Variants in PDGFD observed in about 807,000 individuals in gnomAD.
PDGFD encodes the protein platelet-derived growth factor D.
Under a neutral mutation model 44.7 loss-of-function variants are expected in PDGFD, and 30 were observed. That is an observed-to-expected ratio of 0.67 (90% CI 0.50 to 0.91). PDGFD has a LOEUF of 0.91. PDGFD is among the 40% of genes least tolerant of loss of function. The probability of loss-of-function intolerance (pLI) is 0.00; values close to 1 mark genes in which losing one functional copy is unlikely to be tolerated. For missense variants in PDGFD, 445 were observed against 457.8 expected, an observed-to-expected ratio of 0.97 and a Z score of 0.25; for synonymous variants, 173 against 168.4, an observed-to-expected ratio of 1.03 and a Z score of -0.21.
intron 1 of PDGFD, among the ~76,000 whole-genome samples, chr11:104,112,913 A>G (rs983585082): frequency 2.0e-5 from 3 of 152,224 alleles, no homozygotes; most frequent in African/African-American, 7.2e-5. Context: ...AAGATCAGGG[A>G]AAATAACCAA....
chr11:104,110,969 A>G (rs1319187376), intron 1 of PDGFD, among the ~76,000 whole-genome samples: 2 of 152,192 alleles, frequency 1.3e-5, no homozygotes, highest in East Asian at 1.9e-4. Flanking sequence ...GTCCTAGTGC[A>G]AACAGTTTCA....
Position 104,068,832 on chromosome 11 carries a change from G to A in PDGFD, c.125-68577C>T, listed in dbSNP as rs145513920. Among the ~76,000 whole-genome samples the A allele has an allele frequency of 2.3e-3, 347 of 151,596 alleles. 5 individuals are homozygous for A. The highest frequency in any genetic ancestry group is 8.0e-3 in the African/African-American group (333 of 41,418). On this transcript the variant is annotated intron_variant, in intron 1 of 6. Transcript: ENST00000393158. ...CTCTCCCTTTCTCACATATGCCTCT[G>A]TGTGTGTGTCTGCGTGTGTATTTTT...
intron 5 of PDGFD, among the ~76,000 whole-genome samples, chr11:103,942,000 T>C (rs1199363730): frequency 6.6e-6 from 1 of 152,134 alleles, no homozygotes. Context: ...AGGGCTATAG[T>C]GATCTGCACA....
At chr11:104,041,135 T>C (rs1427269597) in intron 1 of PDGFD, among the ~76,000 whole-genome samples, 1 of 152,076 alleles carries the variant, frequency 6.6e-6, no homozygotes, top group Non-Finnish European at 1.5e-5. Context: ...TCAGAATATA[T>C]ACAACAATTA....
In PDGFD at chr11:103,909,727, A is replaced by G. The variant is rs10791649; in HGVS notation, c.1080T>C (p.Cys360=). ...VDIQLDHHER[C]DCICSSRPPR ...GTGGTCTTGAGCTGCAGATACAATC[A>G]CATCGTTCATGGTGATCCAACTGGA... is the stretch of plus-strand genomic sequence containing the variant. Residue 360 remains cysteine (C), a synonymous_variant, in exon 7 of 7, where the codon TGT becomes TGC. Transcript: ENST00000393158. The G allele has an allele frequency of 0.47, 750,762 of 1,613,188 alleles. 176,453 individuals are homozygous for G. Among genetic ancestry groups the G allele is most frequent in the South Asian group, 0.48 (43,947 of 91,078 alleles).
At chr11:104,142,507 C>T (rs1862100886) in intron 1 of PDGFD, among the ~76,000 whole-genome samples, 2 of 151,928 alleles carry the variant, frequency 1.3e-5, no homozygotes, top group Non-Finnish European at 2.9e-5. Flanking sequence ...TTTAAAATTT[C>T]CACCTTATCT....
chr11:103,938,382 C>T (rs1173589438), intron 5 of PDGFD, among the ~76,000 whole-genome samples: 1 of 152,170 alleles, frequency 6.6e-6, no homozygotes, highest in Non-Finnish European at 1.5e-5. Flanking sequence ...ATATCCTTCA[C>T]CCACTTTTTG....
chr11:104,021,686 G>A (rs371073449), intron 1 of PDGFD, among the ~76,000 whole-genome samples: 20 of 152,234 alleles, frequency 1.3e-4, no homozygotes, highest in South Asian at 8.3e-4. Context: ...TGTCAAACTC[G>A]ACTTGATCTC....
chr11:104,148,537 AT>A (rs1176477335), intron 1 of PDGFD, among the ~76,000 whole-genome samples: 1 of 152,200 alleles, frequency 6.6e-6, no homozygotes, highest in African/African-American at 2.4e-5. Context: ...AATTAAAAAA[AT>A]GAAACATTGA....
chr11:104,144,301 G>C (rs1862129479), intron 1 of PDGFD, among the ~76,000 whole-genome samples: 1 of 151,930 alleles, frequency 6.6e-6, no homozygotes, highest in Non-Finnish European at 1.5e-5. Flanking sequence ...GAGGTTAGGA[G>C]TTAGAGACTA....
intron 6 of PDGFD, among the ~76,000 whole-genome samples, chr11:103,925,716 CATATATATAT>C (rs370841769): frequency 8.1e-6 from 1 of 122,760 alleles, no homozygotes; most frequent in African/African-American, 3.2e-5. Context: ...CACACACACA[CATATATATAT>C]ATATATATAT....
intron 1 of PDGFD, among the ~76,000 whole-genome samples, chr11:104,057,023 G>A (rs534457337): frequency 8.1e-4 from 124 of 152,254 alleles, no homozygotes; most frequent in African/African-American, 2.6e-3. Context: ...AGCTACTCGG[G>A]AGGCTGAGGC....
chr11:103,926,491 T>C (rs947815111), intron 6 of PDGFD, among the ~76,000 whole-genome samples: 1 of 152,232 alleles, frequency 6.6e-6, no homozygotes, highest in African/African-American at 2.4e-5. Flanking sequence ...TATTTTGCTA[T>C]CTTTATTGTG....
At chr11:104,116,279 G>C (rs1861636634) in intron 1 of PDGFD, among the ~76,000 whole-genome samples, 1 of 152,000 alleles carries the variant, frequency 6.6e-6, no homozygotes, top group African/African-American at 2.4e-5. Context: ...ACAATTTGTT[G>C]AATAGGGTGT....
chr11:103,939,593 T>C (rs907114872), intron 5 of PDGFD, among the ~76,000 whole-genome samples: 2 of 152,124 alleles, frequency 1.3e-5, no homozygotes, highest in Admixed American at 1.3e-4. Flanking sequence ...TTTCAATGAA[T>C]TGTAGTTTAG....
intron 3 of PDGFD, among the ~76,000 whole-genome samples, chr11:103,982,872 G>T (rs1591106340): frequency 6.6e-6 from 1 of 151,398 alleles, no homozygotes; most frequent in Admixed American, 6.6e-5. Context: ...GAAGGTGAAA[G>T]ATCCCTACAA....
intron 1 of PDGFD, among the ~76,000 whole-genome samples, chr11:104,075,871 A>C (rs1198999450): frequency 6.6e-6 from 1 of 152,108 alleles, no homozygotes; most frequent in East Asian, 1.9e-4. Context: ...GAATTATTGC[A>C]AAGGCCTCTT....
chr11:103,969,809 A>T (rs548865996), intron 3 of PDGFD, among the ~76,000 whole-genome samples: 1 of 152,242 alleles, frequency 6.6e-6, no homozygotes, highest in African/African-American at 2.4e-5. Flanking sequence ...AAAACAAAAT[A>T]AAAACAGTGG....
intron 5 of PDGFD, among the ~76,000 whole-genome samples, chr11:103,928,559 A>T (rs1397877717): frequency 1.3e-5 from 2 of 152,198 alleles, no homozygotes; most frequent in Non-Finnish European, 2.9e-5. Flanking sequence ...CACTAACCGC[A>T]TCCCTGTTTG....
Sources: gnomAD v4.1 joint callset for allele counts (sites outside exome capture counted in the v4.1 genomes callset) on GRCh38, gnomAD v4.1.1 for gene constraint, MANE v1.5 for transcripts, NCBI Gene and HGNC (gene_info 2026-07-23, HGNC 2026-07-21) for gene names.